The following ADAM7 variants were observed in gnomAD, a reference collection of about 807,000 sequenced individuals.
The protein encoded by ADAM7 is disintegrin and metalloproteinase domain-containing protein 7.
ADAM7 carries 97 observed loss-of-function variants against 102.9 expected under a neutral mutation model. The observed-to-expected ratio is 0.94, with a 90% CI of 0.80 to 1.12. The LOEUF (loss-of-function observed/expected upper bound fraction) is 1.12. Among genes scored for constraint, ADAM7 ranks in the 50% most tolerant of loss-of-function variants. The probability of loss-of-function intolerance (pLI) is 0.00; values close to 1 mark genes in which losing one functional copy is unlikely to be tolerated. For synonymous variants in ADAM7, 334 were observed against 304.4 expected (o/e 1.10, Z -1.01); for missense variants, 991 against 908.7 (o/e 1.09, Z -1.16).
chr8:24,508,850 T>A lies in ADAM7; in HGVS notation c.*304T>A, dbSNP rs1821033879. 8.3e-7 allele frequency: 1 copy of A among 1,199,696 alleles called. No individual in the cohort carries two copies. 74.3% of individuals were successfully genotyped at this position (1,199,696 alleles called of 1,614,324 possible). On this transcript the variant is annotated 3_prime_UTR_variant, in exon 22 of 22. Transcript: ENST00000175238. Reference sequence around the variant, plus strand: ...GTAGTATTTTCCTACAAAATGTTACTCTGCTTTCTTTTAAGAATCCAAACT... The same window carrying A: ...GTAGTATTTTCCTACAAAATGTTACACTGCTTTCTTTTAAGAATCCAAACT...
chr8:24,481,016 T>G (rs2129387938), intron 8 of ADAM7, among the ~76,000 whole-genome samples: 1 of 152,180 alleles, frequency 6.6e-6, no homozygotes, highest in South Asian at 2.1e-4. Context: ...GAGCTATGAT[T>G]GCACCACTGC....
Position 24,442,514 on chromosome 8 carries a change from C to T in ADAM7, c.94C>T (p.Pro32Ser). 6.2e-7 allele frequency: 1 copy of T among 1,614,082 alleles called. No homozygotes were observed. Among genetic ancestry groups the T allele is most frequent in the Non-Finnish European group, 8.5e-7 (1 of 1,179,994 alleles). The change falls in exon 2 of 22, where the codon CCT (proline) becomes TCT (serine). Residue 32 changes from proline (P) to serine (S), a missense_variant. Physicochemically the swap from Pro to Ser is moderately conservative, Grantham distance 74 (BLOSUM62 -1). Transcript: ENST00000175238. ...AGTAGAGGGTCAACAACTGGTTCGT[C>T]CTAAAAAGCTTCCTCTGATACAGAA... ...LGVEGQQLVR[P>S]KKLPLIQKRD...
At position 24,476,512 on chromosome 8, in the gene ADAM7, T is replaced by G. The variant is rs1016995032; in HGVS notation, c.705+8T>G. On this transcript the variant is annotated splice_region_variant and intron_variant, in intron 8 of 21. Coordinates refer to ENST00000175238, the MANE Select transcript of ADAM7 (RefSeq NM_003817.4). ...GTCAATTTTGTCAACATGGTAAGAT[T>G]TGATACAGTTTTTGAATCAAGCCAA... The G allele has an allele frequency of 6.3e-7, 1 of 1,599,810 alleles. No individual in the cohort carries two copies. Among genetic ancestry groups the G allele is most frequent in the Admixed American group, 1.7e-5 (1 of 59,820 alleles).
chr8:24,480,498 C>G (rs1265927154), intron 8 of ADAM7, among the ~76,000 whole-genome samples: 1 of 152,136 alleles, frequency 6.6e-6, no homozygotes, highest in Admixed American at 6.6e-5. Flanking sequence ...AGCAGTTCAA[C>G]TCTCCACAAC....
rs1267707883 is a variant in ADAM7, at chr8:24,442,520, A to C, written c.100A>C (p.Lys34Gln). ...GGGTCAACAACTGGTTCGTCCTAAA[A>C]AGCTTCCTCTGATACAGAAGCGAGA... ...VEGQQLVRPKKLPLIQKRDTG... is the reference protein window; with the variant it reads ...VEGQQLVRPKQLPLIQKRDTG... Residue 34 changes from lysine to glutamine, a missense_variant, in exon 2 of 22, where the codon AAG (lysine) becomes CAG (glutamine). Lys to Gln is a moderately conservative substitution (Grantham distance 53). Coordinates refer to ENST00000175238, the MANE Select transcript of ADAM7 (RefSeq NM_003817.4). The C allele has an allele frequency of 6.2e-7, 1 of 1,614,144 alleles. No individual in the cohort carries two copies. Among genetic ancestry groups the C allele is most frequent in the East Asian group, 2.2e-5 (1 of 44,872 alleles).
intron 3 of ADAM7, among the ~76,000 whole-genome samples, chr8:24,461,113 C>A (rs1456102631): frequency 6.6e-6 from 1 of 152,112 alleles, no homozygotes; most frequent in African/African-American, 2.4e-5. Context: ...CTGCCTCAGT[C>A]TCCTGAGTAG....
At chr8:24,455,867 T>C (rs1819012665) in intron 3 of ADAM7, among the ~76,000 whole-genome samples, 2 of 152,246 alleles carry the variant, frequency 1.3e-5, no homozygotes, top group East Asian at 3.8e-4. Context: ...TGATTGTATA[T>C]ATTTATGGGG....
chr8:24,476,342 T>G, intron 7 of ADAM7, 91 bp from the exon 8 acceptor site: 1 of 932,820 alleles, frequency 1.1e-6, no homozygotes, highest in South Asian at 2.0e-5. Flanking sequence ...ATGATTTTTT[T>G]CTTTGTAATA....
In ADAM7 at chr8:24,465,728, A is replaced by T. The variant is rs1819402675; in HGVS notation, c.342A>T (p.Val114=). Residue 114 remains valine (V), a synonymous_variant, in exon 5 of 22, where the codon GTA becomes GTT. Coordinates refer to ENST00000175238, the MANE Select transcript of ADAM7 (RefSeq NM_003817.4). ...MDHCFYQGSI[V]HEYDSAASIS... is the part of the protein sequence containing the mutation. ...ATTGTTTTTACCAAGGATCCATAGT[A>T]CACGAATATGATTCAGCTGCCAGTA... is the stretch of plus-strand genomic sequence containing the variant. 6.2e-7 allele frequency: 1 copy of T among 1,610,764 alleles called. No homozygotes were observed. The highest frequency in any genetic ancestry group is 1.7e-5 in the Admixed American group (1 of 59,762).
chr8:24,482,316 G>A lies in ADAM7; in HGVS notation c.875+5G>A. 2.5e-6 allele frequency: 4 copies of A among 1,600,998 alleles called. No homozygotes were observed. The highest frequency in any genetic ancestry group is 2.6e-6 in the Non-Finnish European group (3 of 1,176,342). Reference sequence around the variant, plus strand: ...TGATCATGTTGTATTACTCAGGTTGGTGATTGCTCTATTTTCTTGCATACC... The same window carrying A: ...TGATCATGTTGTATTACTCAGGTTGATGATTGCTCTATTTTCTTGCATACC... On this transcript the variant is annotated splice_donor_5th_base_variant and intron_variant, in intron 9 of 21. Coordinates refer to ENST00000175238, the MANE Select transcript of ADAM7 (RefSeq NM_003817.4).
intron 8 of ADAM7, among the ~76,000 whole-genome samples, chr8:24,478,581 AGT>A (rs1393299052): frequency 6.6e-6 from 1 of 152,112 alleles, no homozygotes; most frequent in African/African-American, 2.4e-5. Context: ...GTCATTCCAC[AGT>A]GTGTTACTGT....
chr8:24,466,647 T>C (rs1819435017), intron 5 of ADAM7, 152 bp from the exon 6 acceptor site: 1 of 635,640 alleles, frequency 1.6e-6, no homozygotes, highest in African/African-American at 1.8e-5. Context: ...AAAGGCCTCA[T>C]ATCATCACAT....
chr8:24,454,470 T>C (rs139112227), intron 3 of ADAM7, among the ~76,000 whole-genome samples: 2,293 of 152,272 alleles, frequency 0.015, 63 homozygotes, highest in African/African-American at 0.052. Context: ...GTGCGGGATA[T>C]AATCTCCTGG....
At chr8:24,476,385 T>C (rs1172418397) in intron 7 of ADAM7, 48 bp from the exon 8 acceptor site, 11 of 1,388,498 alleles carry the variant, frequency 7.9e-6, no homozygotes, top group Non-Finnish European at 1.1e-5. Context: ...TGAGCTTTTA[T>C]GCAACTCCTA....
intron 3 of ADAM7, among the ~76,000 whole-genome samples, chr8:24,461,343 C>T (rs1453997281): frequency 7.2e-6 from 1 of 139,344 alleles, no homozygotes; most frequent in Admixed American, 7.4e-5. Flanking sequence ...TTCTCCTCTT[C>T]TGGCTCACAT....
At position 24,482,124 on chromosome 8, in the gene ADAM7, G is replaced by T; in HGVS notation, c.706-18G>T. On this transcript the variant is annotated intron_variant, in intron 8 of 21. Transcript: ENST00000175238. ...CCAGCAACTTGACTTTGTGAAAAAT[G>T]ATTTCTTCTTTGAACAGATTTATAA... 1 of 1,547,228 alleles carries T rather than the reference G, an allele frequency of 6.5e-7. No individual in the cohort carries two copies. Among genetic ancestry groups the T allele is most frequent in the South Asian group, 1.2e-5 (1 of 81,068 alleles).
At chr8:24,497,598 T>C (rs1820603885) in intron 16 of ADAM7, among the ~76,000 whole-genome samples, 1 of 152,056 alleles carries the variant, frequency 6.6e-6, no homozygotes, top group Non-Finnish European at 1.5e-5. Context: ...TTCTAAAAAA[T>C]TCATTACAGA....
At chr8:24,458,938 C>G (rs907234372) in intron 3 of ADAM7, among the ~76,000 whole-genome samples, 3 of 151,510 alleles carry the variant, frequency 2.0e-5, no homozygotes, top group African/African-American at 7.3e-5. Flanking sequence ...ATTTAATTTG[C>G]CAATATCTTA....
chr8:24,506,223 T>G (rs1820946143), intron 20 of ADAM7: 2 of 1,278,224 alleles, frequency 1.6e-6, no homozygotes, highest in Admixed American at 4.7e-5. Flanking sequence ...TTCATGAAAC[T>G]TAATCATTTG....
Sources: gnomAD v4.1 joint callset for allele counts (sites outside exome capture counted in the v4.1 genomes callset) on GRCh38, gnomAD v4.1.1 for gene constraint, MANE v1.5 for transcripts, NCBI Gene and HGNC (gene_info 2026-07-23, HGNC 2026-07-21) for gene names.